Variants in PDGFD observed in about 807,000 individuals in gnomAD.
PDGFD encodes the protein platelet derived growth factor D, also known as platelet-derived growth factor D.
Under a neutral mutation model 44.7 loss-of-function variants are expected in PDGFD, and 30 were observed. That is an observed-to-expected ratio of 0.67 (90% CI 0.50 to 0.91). The LOEUF (loss-of-function observed/expected upper bound fraction) is 0.91. PDGFD is among the 40% of genes least tolerant of loss of function. The pLI is 0.00. For missense variants in PDGFD, 445 were observed against 457.8 expected, an observed-to-expected ratio of 0.97 and a Z score of 0.25; for synonymous variants, 173 against 168.4, an observed-to-expected ratio of 1.03 and a Z score of -0.21.
chr11:103,957,698 A>G (rs895557790), intron 3 of PDGFD, among the ~76,000 whole-genome samples: 1 of 152,172 alleles, frequency 6.6e-6, no homozygotes, highest in Non-Finnish European at 1.5e-5. Context: ...TAAAGATTAG[A>G]GCAAATCCCA....
chr11:103,909,532 G>T lies in PDGFD; in HGVS notation c.*162C>A. On this transcript the variant is annotated 3_prime_UTR_variant, in exon 7 of 7. Transcript: ENST00000393158. ...AAGTTGATGATATACCTTTCTACTT[G>T]CCATGGCATTAACAAAGCAAGGCTG... The T allele has an allele frequency of 1.3e-6, 1 of 788,294 alleles. No homozygotes were observed. The highest frequency in any genetic ancestry group is 2.1e-6 in the Non-Finnish European group (1 of 483,648). 48.8% of individuals were successfully genotyped at this position (788,294 alleles called of 1,614,324 possible).
intron 5 of PDGFD, among the ~76,000 whole-genome samples, chr11:103,932,585 C>A (rs1011247970): frequency 7.9e-5 from 12 of 152,194 alleles, no homozygotes; most frequent in African/African-American, 2.4e-4. Flanking sequence ...TATCCCTTCT[C>A]TTCTAGTACT....
intron 3 of PDGFD, among the ~76,000 whole-genome samples, chr11:103,948,677 A>G (rs554108976): frequency 1.3e-5 from 2 of 152,306 alleles, no homozygotes; most frequent in East Asian, 3.9e-4. Flanking sequence ...CTAGTCTGAC[A>G]GCTTATTTAT....
chr11:104,028,508 GAAGA>G lies in PDGFD; in HGVS notation c.125-28257_125-28254del, dbSNP rs1359272927. ...ATCCTGTTTGCTTTAAATTTTCTATGAAGAAATGGTCTCAGAGCCCAATTTTAAT... is the reference window on the plus strand; with the variant it reads ...ATCCTGTTTGCTTTAAATTTTCTATGAATGGTCTCAGAGCCCAATTTTAAT... On this transcript the variant is annotated intron_variant, in intron 1 of 6. Coordinates refer to ENST00000393158, the MANE Select transcript of PDGFD (RefSeq NM_025208.5). Among the ~76,000 whole-genome samples, 6 of 149,772 alleles carry G rather than the reference GAAGA, an allele frequency of 4.0e-5. No individual in the cohort carries two copies. The East Asian group carries it at 1.2e-3, about 29-fold the overall frequency.
At chr11:104,035,413 C>G (rs1242290653) in intron 1 of PDGFD, among the ~76,000 whole-genome samples, 1 of 152,148 alleles carries the variant, frequency 6.6e-6, no homozygotes, top group South Asian at 2.1e-4. Context: ...CTCTTTGAAC[C>G]ACTGGAAAAG....
At chr11:104,134,030 C>G (rs1861964299) in intron 1 of PDGFD, among the ~76,000 whole-genome samples, 1 of 152,182 alleles carries the variant, frequency 6.6e-6, no homozygotes, top group African/African-American at 2.4e-5. Context: ...CAACTACATG[C>G]ATTTTAGTAG....
intron 2 of PDGFD, among the ~76,000 whole-genome samples, chr11:103,999,662 G>T (rs781507910): frequency 3.3e-5 from 5 of 152,284 alleles, no homozygotes; most frequent in Non-Finnish European, 5.9e-5. Flanking sequence ...GCGGGAGCCG[G>T]GCAGGGGTTT....
chr11:104,017,687 A>C (rs1489414543), intron 1 of PDGFD, among the ~76,000 whole-genome samples: 3 of 152,192 alleles, frequency 2.0e-5, no homozygotes, highest in Non-Finnish European at 4.4e-5. Flanking sequence ...TGGGTGTGTG[A>C]CATATGCCTT....
rs1394072074 is a variant in PDGFD at position 103,943,549 on chromosome 11, C to T, written c.675G>A (p.Lys225=). ...AEFDTVEDLL[K]YFNPESWQED... is the part of the protein sequence containing the mutation. ...CTTGCCATGACTCTGGATTGAAGTA[C>T]TTGAGCAGATCTTCCACTGTATCAA... The change falls in exon 5 of 7, where the codon AAG becomes AAA. Residue 225 remains lysine (K), a synonymous_variant. Transcript: ENST00000393158. 1.2e-6 allele frequency: 2 copies of T among 1,613,378 alleles called. No individual in the cohort carries two copies. Among genetic ancestry groups the T allele is most frequent in the South Asian group, 1.1e-5 (1 of 91,028 alleles).
chr11:103,998,925 T>C (rs1303677007), intron 2 of PDGFD, among the ~76,000 whole-genome samples: 3 of 152,212 alleles, frequency 2.0e-5, no homozygotes, highest in African/African-American at 7.2e-5. Flanking sequence ...CTCCACATCA[T>C]CACCTTTAAT....
intron 1 of PDGFD, among the ~76,000 whole-genome samples, chr11:104,024,280 A>G (rs1007180286): frequency 6.6e-6 from 1 of 152,172 alleles, no homozygotes; most frequent in African/African-American, 2.4e-5. Context: ...CCATGCAAAA[A>G]AAAAGAGATC....
At chr11:104,031,757 T>C (rs1860129709) in intron 1 of PDGFD, among the ~76,000 whole-genome samples, 1 of 152,062 alleles carries the variant, frequency 6.6e-6, no homozygotes, top group African/African-American at 2.4e-5. Context: ...TGCCCAACAA[T>C]GATAGACTGG....
At chr11:104,059,236 T>C (rs1401947885) in intron 1 of PDGFD, among the ~76,000 whole-genome samples, 1 of 152,234 alleles carries the variant, frequency 6.6e-6, no homozygotes, top group African/African-American at 2.4e-5. Flanking sequence ...ATTTGTGTTT[T>C]TGAAGTTGTG....
At chr11:104,016,052 C>T (rs1859854631) in intron 1 of PDGFD, among the ~76,000 whole-genome samples, 1 of 152,132 alleles carries the variant, frequency 6.6e-6, no homozygotes, top group African/African-American at 2.4e-5. Context: ...AGGCAGAGGT[C>T]TTTTTATTTG....
At chr11:104,044,534 G>T (rs1860408684) in intron 1 of PDGFD, among the ~76,000 whole-genome samples, 1 of 152,078 alleles carries the variant, frequency 6.6e-6, no homozygotes, top group Admixed American at 6.5e-5. Flanking sequence ...TAAATATTTA[G>T]AATATTTTCA....
chr11:104,006,957 T>C (rs1402787837), intron 1 of PDGFD, among the ~76,000 whole-genome samples: 1 of 152,196 alleles, frequency 6.6e-6, no homozygotes, highest in Non-Finnish European at 1.5e-5. Flanking sequence ...ATACTTAAGC[T>C]GTCTGTGGAC....
intron 1 of PDGFD, among the ~76,000 whole-genome samples, chr11:104,135,630 C>T (rs1476821510): frequency 6.6e-6 from 1 of 152,088 alleles, no homozygotes; most frequent in African/African-American, 2.4e-5. Context: ...GGTATCTGAT[C>T]AAATTTCTAC....
intron 1 of PDGFD, among the ~76,000 whole-genome samples, chr11:104,136,123 A>C (rs1011737999): frequency 1.3e-5 from 2 of 152,164 alleles, no homozygotes; most frequent in Non-Finnish European, 2.9e-5. Context: ...CCCAGCTTTG[A>C]AATCTGAAAA....
intron 1 of PDGFD, among the ~76,000 whole-genome samples, chr11:104,117,842 C>T (rs900364127): frequency 2.0e-5 from 3 of 151,922 alleles, no homozygotes; most frequent in Non-Finnish European, 2.9e-5. Context: ...CAATTCTCAT[C>T]AAAATACCAC....
Sources: allele counts gnomAD v4.1 joint callset (sites outside exome capture counted in the v4.1 genomes callset), GRCh38; gene constraint gnomAD v4.1.1; transcripts MANE v1.5; gene names NCBI Gene and HGNC (gene_info 2026-07-23, HGNC 2026-07-21).